VAV3: variants seen among roughly 807,000 people sequenced by gnomAD.
VAV3 encodes the protein guanine nucleotide exchange factor VAV3.
A neutral mutation model predicts 131.2 loss-of-function variants in VAV3; 94 were observed. The observed-to-expected ratio is 0.72, with a 90% CI of 0.61 to 0.85. The LOEUF (loss-of-function observed/expected upper bound fraction) is 0.85, where lower values mean the gene tolerates loss of function less well. VAV3 is among the 40% of genes least tolerant of loss of function. The probability of loss-of-function intolerance (pLI) is 0.00; values close to 1 mark genes in which losing one functional copy is unlikely to be tolerated. For synonymous variants in VAV3, 349 were observed against 342.0 expected, an observed-to-expected ratio of 1.02 and a Z score of -0.22; for missense variants, 939 against 1,002.7, an observed-to-expected ratio of 0.94 and a Z score of 0.86.
At chr1:107,644,850 T>A (rs1014842086) in intron 19 of VAV3, among the ~76,000 whole-genome samples, 1 of 151,944 alleles carries the variant, frequency 6.6e-6, no homozygotes, top group Non-Finnish European at 1.5e-5. Context: ...TGGACTGGAA[T>A]GCCCACCACA....
At position 107,794,367 on chromosome 1, in the gene VAV3, T is replaced by C. The variant is rs547652478; in HGVS notation, c.322-14875A>G. On this transcript the variant is annotated intron_variant, in intron 2 of 26. Coordinates refer to ENST00000370056, the MANE Select transcript of VAV3 (RefSeq NM_006113.5). ...TCATCATTTTCTCCCTTCATCTTGC[T>C]TTTGCCCTTTTCAGCCTTTGCTGAG... Among the ~76,000 whole-genome samples, 29 of 152,364 alleles carry C rather than the reference T, an allele frequency of 1.9e-4. No homozygotes were observed. In the South Asian group the frequency reaches 3.5e-3, roughly 18 times the overall value.
At chr1:107,840,473 A>G (rs867384893) in intron 2 of VAV3, among the ~76,000 whole-genome samples, 1 of 152,174 alleles carries the variant, frequency 6.6e-6, no homozygotes, top group Non-Finnish European at 1.5e-5. Flanking sequence ...ACAGATATAA[A>G]CATTTCCCTC....
Position 107,755,482 on chromosome 1 carries a change from C to G in VAV3, c.1118G>C (p.Arg373Thr), listed in dbSNP as rs763860680. 1 of 1,613,632 alleles carries G rather than the reference C, an allele frequency of 6.2e-7. No individual in the cohort carries two copies. Among genetic ancestry groups the G allele is most frequent in the Non-Finnish European group, 8.5e-7 (1 of 1,179,698 alleles). The change falls in exon 12 of 27, where the codon AGA becomes ACA. Residue 373 changes from arginine (R) to threonine (T), a missense_variant. Coordinates refer to ENST00000370056, the MANE Select transcript of VAV3 (RefSeq NM_006113.5). ...AATTTCACGAAGGGTCTCATTATCT[C>G]TTTTCACTTCATTCACATATTGTGC... ...DLAQYVNEVK[R>T]DNETLREIKQ...
intron 2 of VAV3, among the ~76,000 whole-genome samples, chr1:107,812,013 T>C (rs943829260): frequency 3.9e-5 from 6 of 152,028 alleles, no homozygotes; most frequent in African/African-American, 1.4e-4. Flanking sequence ...AAAGTCTAGT[T>C]TGGGAAAAAA....
intron 19 of VAV3, among the ~76,000 whole-genome samples, chr1:107,652,827 A>G (rs1656274879): frequency 6.6e-6 from 1 of 152,004 alleles, no homozygotes. Flanking sequence ...TGTAACTGAC[A>G]TTTTCCAAAA....
At chr1:107,864,677 T>A (rs1669899060) in intron 2 of VAV3, among the ~76,000 whole-genome samples, 1 of 152,214 alleles carries the variant, frequency 6.6e-6, no homozygotes, top group African/African-American at 2.4e-5. Context: ...CCCTTCTCAC[T>A]GGGCTGTCAC....
In VAV3 at chr1:107,683,975, T is replaced by C. The variant is rs1013150937; in HGVS notation, c.1732-442A>G. 5.9e-5 allele frequency among the ~76,000 whole-genome samples: 9 copies of C among 152,180 alleles called. 1 individual carries two copies. Among genetic ancestry groups the C allele is most frequent in the Admixed American group, 4.6e-4 (7 of 15,270 alleles). The stretch of plus-strand genomic sequence containing the variant: ...CTCACAGACCAGACTGAAGAAGGTA[T>C]ACAACCTCAAAACAAAGATCTGAAG... On this transcript the variant is annotated intron_variant, in intron 18 of 26. Coordinates refer to ENST00000370056, the MANE Select transcript of VAV3 (RefSeq NM_006113.5).
chr1:107,703,368 C>T (rs1043519819), intron 17 of VAV3, among the ~76,000 whole-genome samples: 3 of 152,184 alleles, frequency 2.0e-5, no homozygotes, highest in African/African-American at 7.2e-5. Context: ...GAGTAAACTG[C>T]ATAAGCAATC....
intron 23 of VAV3, 73 bp from the exon 24 acceptor site, chr1:107,602,557 T>C (rs1651947465): frequency 2.5e-6 from 3 of 1,180,104 alleles, no homozygotes; most frequent in South Asian, 2.9e-5. Flanking sequence ...CCAGAGGGCA[T>C]GCCCCAATAA....
chr1:107,873,042 GGC>G (rs1670323986), intron 2 of VAV3, among the ~76,000 whole-genome samples: 1 of 152,022 alleles, frequency 6.6e-6, no homozygotes, highest in Non-Finnish European at 1.5e-5. Context: ...CTCCAATCTT[GGC>G]AGTAGCAAAA....
At chr1:107,802,910 T>C (rs1169065724) in intron 2 of VAV3, among the ~76,000 whole-genome samples, 5 of 150,262 alleles carry the variant, frequency 3.3e-5, no homozygotes, top group African/African-American at 1.2e-4. Flanking sequence ...AGAGTTAGAG[T>C]TGAATTGGTA....
intron 2 of VAV3, among the ~76,000 whole-genome samples, chr1:107,867,374 AGAG>A (rs1267365510): frequency 1.3e-5 from 2 of 152,206 alleles, no homozygotes; most frequent in African/African-American, 4.8e-5. Flanking sequence ...AAGTTCTATA[AGAG>A]GAGGTAGGAA....
intron 1 of VAV3, among the ~76,000 whole-genome samples, chr1:107,887,292 G>T (rs1221118962): frequency 6.6e-6 from 1 of 152,194 alleles, no homozygotes; most frequent in Non-Finnish European, 1.5e-5. Flanking sequence ...ATCACGGATT[G>T]AATTTAGTAT....
chr1:107,704,187 T>C (rs541884958), intron 17 of VAV3, among the ~76,000 whole-genome samples: 4 of 152,200 alleles, frequency 2.6e-5, no homozygotes, highest in Non-Finnish European at 4.4e-5. Context: ...GAACTAAAGA[T>C]AGAAGAATAT....
Position 107,722,840 on chromosome 1 carries a change from C to CTCT in VAV3, c.1503-17780_1503-17779insAGA, listed in dbSNP as rs371987024. On this transcript the variant is annotated intron_variant, in intron 15 of 26. Coordinates refer to ENST00000370056, the MANE Select transcript of VAV3 (RefSeq NM_006113.5). Reference sequence around the variant, plus strand: ...GTGTCAGAAAGCCCTATTATCCTCTCTTTTTTTTTTTTTTTGTACGCTTAC... The same window carrying CTCT: ...GTGTCAGAAAGCCCTATTATCCTCTCTCTTTTTTTTTTTTTTTTGTACGCTTAC... Among the ~76,000 whole-genome samples the CTCT allele has an allele frequency of 2.4e-4, 31 of 129,790 alleles. 2 individuals are homozygous for CTCT. The highest frequency in any genetic ancestry group is 7.1e-4 in the South Asian group (3 of 4,240). 85.1% of individuals were successfully genotyped at this position (129,790 alleles called of 152,430 possible).
intron 19 of VAV3, 77 bp downstream of exon 19, chr1:107,683,411 T>G: frequency 6.5e-7 from 1 of 1,549,664 alleles, no homozygotes; most frequent in Non-Finnish European, 8.9e-7. Context: ...ATGCCTCACT[T>G]TCCACAGCAA....
At chr1:107,643,038 C>A (rs1431682417) in intron 19 of VAV3, among the ~76,000 whole-genome samples, 2 of 152,108 alleles carry the variant, frequency 1.3e-5, no homozygotes, top group African/African-American at 2.4e-5. Flanking sequence ...TCAGCTGATG[C>A]CTGCTTCATA....
chr1:107,841,539 T>G (rs1039457795), intron 2 of VAV3, among the ~76,000 whole-genome samples: 1 of 152,172 alleles, frequency 6.6e-6, no homozygotes, highest in African/African-American at 2.4e-5. Flanking sequence ...GTGGGTGCCA[T>G]AGATCAAGCT....
intron 20 of VAV3, among the ~76,000 whole-genome samples, chr1:107,635,665 A>G (rs1187043437): frequency 1.3e-5 from 2 of 152,178 alleles, no homozygotes; most frequent in East Asian, 1.9e-4. Context: ...CACTGCCACA[A>G]ATTTGATGGT....
Sources: allele counts gnomAD v4.1 joint callset (sites outside exome capture counted in the v4.1 genomes callset), GRCh38; gene constraint gnomAD v4.1.1; transcripts MANE v1.5; gene names NCBI Gene and HGNC (gene_info 2026-07-23, HGNC 2026-07-21).